SSH2: variants seen among roughly 807,000 people sequenced by gnomAD.
SSH2 encodes slingshot protein phosphatase 2.
In SSH2, 37 loss-of-function variants were observed where a neutral mutation model predicts 135.2. The observed-to-expected ratio is 0.27, with a 90% CI of 0.21 to 0.36. The LOEUF (loss-of-function observed/expected upper bound fraction) is 0.36, where lower values mean the gene tolerates loss of function less well. SSH2 is among the 10% of genes least tolerant of loss of function. The probability of loss-of-function intolerance (pLI) is 1.00; values close to 1 mark genes in which losing one functional copy is unlikely to be tolerated. For missense variants in SSH2, 1,408 were observed against 1,765.3 expected, an observed-to-expected ratio of 0.80 and a Z score of 3.63; for synonymous variants, 628 against 646.2, an observed-to-expected ratio of 0.97 and a Z score of 0.43.
intron 1 of SSH2, among the ~76,000 whole-genome samples, chr17:29,897,611 C>T (rs567883794): frequency 6.6e-6 from 1 of 152,276 alleles, no homozygotes; most frequent in East Asian, 1.9e-4. Context: ...AATACAGGAG[C>T]ACCCAGATTC....
At chr17:29,767,652 G>C in intron 3 of SSH2, among the ~76,000 whole-genome samples, 1 of 138,748 alleles carries the variant, frequency 7.2e-6, no homozygotes. Context: ...CACACACACA[G>C]AATTATACAT....
chr17:29,862,007 A>G (rs1025699860), intron 1 of SSH2, among the ~76,000 whole-genome samples: 1 of 152,220 alleles, frequency 6.6e-6, no homozygotes, highest in Non-Finnish European at 1.5e-5. Flanking sequence ...GATCGCAAAA[A>G]CTTAATATCA....
At position 29,636,196 on chromosome 17, in the gene SSH2, G is replaced by A. The variant is rs766901676; in HGVS notation, c.2034C>T (p.Asp678=). The A allele has an allele frequency of 1.9e-6, 3 of 1,614,156 alleles. No homozygotes were observed. Among genetic ancestry groups the A allele is most frequent in the African/African-American group, 2.7e-5 (2 of 75,028 alleles). ...CAAACTTCTCTAGGGCACTAAAAAA[G>A]TCAATGCGATCTGTACTGAAATCTG... ...EISDFSTDRI[D]FFSALEKFVE... Residue 678 remains aspartate, a synonymous_variant, in exon 15 of 16, where the codon GAC becomes GAT. Coordinates refer to ENST00000540801, the MANE Select transcript of SSH2 (RefSeq NM_001282129.2).
At chr17:29,751,210 G>A (rs1278885836) in intron 3 of SSH2, among the ~76,000 whole-genome samples, 1 of 152,200 alleles carries the variant, frequency 6.6e-6, no homozygotes, top group Non-Finnish European at 1.5e-5. Flanking sequence ...GAGGTCCAGA[G>A]TTCGAGACCA....
At chr17:29,662,664 T>C (rs925486667) in intron 11 of SSH2, among the ~76,000 whole-genome samples, 2 of 152,188 alleles carry the variant, frequency 1.3e-5, no homozygotes, top group African/African-American at 4.8e-5. Flanking sequence ...CAGGGGTACA[T>C]ATGCAGGTTT....
At chr17:29,671,229 C>A (rs1197263676) in intron 9 of SSH2, among the ~76,000 whole-genome samples, 1 of 152,046 alleles carries the variant, frequency 6.6e-6, no homozygotes. Context: ...CACTTGTAAT[C>A]CCAGCACTTT....
At chr17:29,708,221 T>C (rs1452098838) in intron 3 of SSH2, among the ~76,000 whole-genome samples, 1 of 152,182 alleles carries the variant, frequency 6.6e-6, no homozygotes, top group African/African-American at 2.4e-5. Context: ...AAAAGATTTA[T>C]TATGTAAATA....
chr17:29,722,723 C>T (rs970508847), intron 3 of SSH2, among the ~76,000 whole-genome samples: 3 of 152,080 alleles, frequency 2.0e-5, no homozygotes, highest in Admixed American at 2.0e-4. Context: ...TAAAAAGGAC[C>T]GAAAAGTGGG....
intron 1 of SSH2, chr17:29,855,892 C>T: frequency 4.5e-6 from 1 of 223,008 alleles, no homozygotes; most frequent in Non-Finnish European, 8.8e-6. Context: ...ATGTAGGATG[C>T]ATTCTCCTTG....
Position 29,631,076 on chromosome 17 carries a change from T to G in SSH2, c.4118A>C (p.Tyr1373Ser), listed in dbSNP as rs2035643703. The change falls in exon 16 of 16, where the codon TAT (tyrosine) becomes TCT (serine). Residue 1373 changes from tyrosine (Y) to serine (S), a missense_variant. By Grantham distance (144) the Tyr-to-Ser change is moderately radical. This residue lies in a region of SSH2 where 1,080 missense variants were observed against 1,144.5 expected (regional missense o/e 0.94). Coordinates refer to ENST00000540801, the MANE Select transcript of SSH2 (RefSeq NM_001282129.2). ...CTGACTAGAACCAAATTCTTTGGCA[T>G]ACTGCACAAGGGGCCTCTCCACTGG... ...SKPVERPLVQ[Y>S]AKEFGSSQQY... The G allele has an allele frequency of 1.2e-6, 2 of 1,614,238 alleles. No individual in the cohort carries two copies. The highest frequency in any genetic ancestry group is 1.7e-6 in the Non-Finnish European group (2 of 1,180,046).
chr17:29,712,016 G>A (rs2039447930), intron 3 of SSH2, among the ~76,000 whole-genome samples: 1 of 152,176 alleles, frequency 6.6e-6, no homozygotes, highest in Non-Finnish European at 1.5e-5. Flanking sequence ...GCACAGCTTG[G>A]TTTTATACAT....
intron 3 of SSH2, among the ~76,000 whole-genome samples, chr17:29,751,078 C>A (rs948984240): frequency 6.6e-6 from 1 of 152,100 alleles, no homozygotes; most frequent in Non-Finnish European, 1.5e-5. Context: ...TCCTGAAGGA[C>A]CTGCCTGAGG....
Position 29,636,287 on chromosome 17 carries a change from T to C in SSH2, c.1943A>G (p.Lys648Arg). Residue 648 changes from lysine to arginine, a missense_variant, in exon 15 of 16, where the codon AAA becomes AGA. Transcript: ENST00000540801. Reference protein sequence around the residue: ...LPMEELTSPLKDPPMSPDPES... With the variant: ...LPMEELTSPLRDPPMSPDPES... ...AGGATCAGGGGACATGGGGGGGTCTTTCAGTGGAGATGTCAATTCTTCCAT... is the reference window on the plus strand; with the variant it reads ...AGGATCAGGGGACATGGGGGGGTCTCTCAGTGGAGATGTCAATTCTTCCAT... The C allele has an allele frequency of 6.2e-7, 1 of 1,614,146 alleles. No homozygotes were observed.
chr17:29,662,202 T>C (rs1305687976), intron 11 of SSH2, among the ~76,000 whole-genome samples: 1 of 152,266 alleles, frequency 6.6e-6, no homozygotes, highest in Non-Finnish European at 1.5e-5. Flanking sequence ...TCCCTTGCAC[T>C]GTACGCTGGC....
At position 29,814,432 on chromosome 17, in the gene SSH2, CAAAAAA is replaced by C. The variant is rs1179862061; in HGVS notation, c.145-20501_145-20496del. Among the ~76,000 whole-genome samples the C allele has an allele frequency of 5.1e-4, 20 of 39,112 alleles. No individual in the cohort carries two copies. The East Asian group carries it at 0.012, about 24-fold the overall frequency. The allele number at this position is 39,112 out of a possible 152,430, so 25.7% of individuals were successfully genotyped here. ...TGGGCGACAGAGCAAGACTCTGTCT[CAAAAAA>C]AAAAAAAAAAAAAAAAAAGAAAGTC... On this transcript the variant is annotated intron_variant, in intron 2 of 15. Transcript: ENST00000540801.
intron 2 of SSH2, among the ~76,000 whole-genome samples, chr17:29,811,510 A>T (rs1320904432): frequency 6.6e-6 from 1 of 152,100 alleles, no homozygotes; most frequent in Non-Finnish European, 1.5e-5. Context: ...GAAGTTACGT[A>T]AACAAGTGCT....
At chr17:29,672,759 A>G (rs2037545160) in intron 8 of SSH2, among the ~76,000 whole-genome samples, 1 of 152,182 alleles carries the variant, frequency 6.6e-6, no homozygotes, top group African/African-American at 2.4e-5. Flanking sequence ...GCTGGAGTGC[A>G]GTGGTGTGAT....
intron 3 of SSH2, among the ~76,000 whole-genome samples, chr17:29,708,880 T>C (rs2039319507): frequency 1.3e-5 from 2 of 150,886 alleles, no homozygotes; most frequent in African/African-American, 2.4e-5. Context: ...ACCTTTCTAA[T>C]AGAGCACTCC....
intron 5 of SSH2, among the ~76,000 whole-genome samples, chr17:29,695,008 C>T (rs1406039660): frequency 6.6e-6 from 1 of 152,150 alleles, no homozygotes; most frequent in Non-Finnish European, 1.5e-5. Flanking sequence ...TGTCCAGTAT[C>T]GTATGATTAG....
Sources: allele counts gnomAD v4.1 joint callset (sites outside exome capture counted in the v4.1 genomes callset), GRCh38; gene constraint gnomAD v4.1.1; regional missense constraint gnomAD v4.1.1; transcripts MANE v1.5; gene names NCBI Gene and HGNC (gene_info 2026-07-23, HGNC 2026-07-21).